PIWIL4: variants seen among roughly 807,000 people sequenced by gnomAD.
The protein encoded by PIWIL4 is piwi-like protein 4.
In PIWIL4, 50 loss-of-function variants were observed where a neutral mutation model predicts 100.9. That is an observed-to-expected ratio of 0.50 (90% CI 0.39 to 0.63). The LOEUF is 0.63. PIWIL4 is among the 20% of genes least tolerant of loss of function. The probability of loss-of-function intolerance (pLI) is 0.00; values close to 1 mark genes in which losing one functional copy is unlikely to be tolerated. For synonymous variants in PIWIL4, 342 were observed against 367.5 expected, an observed-to-expected ratio of 0.93 and a Z score of 0.79; for missense variants, 887 against 1,043.3, an observed-to-expected ratio of 0.85 and a Z score of 2.06.
In PIWIL4 at chr11:94,577,379, T is replaced by G; in HGVS notation, c.400T>G (p.Leu134Val). ...YQYHVTYIPD[L>V]ASRRLRIALL... ...GTACCATGTGACATATATTCCAGAT[T>G]TAGCATCTAGAAGGCTGAGAATTGC... is the stretch of plus-strand genomic sequence containing the variant. Residue 134 changes from leucine (L) to valine (V), a missense_variant, in exon 4 of 20, where the codon TTA becomes GTA. Coordinates refer to ENST00000299001, the MANE Select transcript of PIWIL4 (RefSeq NM_152431.3). 1.2e-6 allele frequency: 2 copies of G among 1,613,788 alleles called. No individual in the cohort carries two copies. The highest frequency in any genetic ancestry group is 1.7e-4 in the Middle Eastern group (1 of 6,058).
At chr11:94,584,352 G>A (rs371395620) in intron 5 of PIWIL4, among the ~76,000 whole-genome samples, 2 of 152,122 alleles carry the variant, frequency 1.3e-5, no homozygotes, top group Admixed American at 6.5e-5. Context: ...TTCCTGAGTC[G>A]TATGAGCACA....
chr11:94,595,447 T>C (rs1444235340), intron 10 of PIWIL4, 21 bp downstream of exon 10: 1 of 1,589,172 alleles, frequency 6.3e-7, no homozygotes, highest in African/African-American at 1.3e-5. Context: ...ACCGCATGCA[T>C]CCTTCCTGGG....
At chr11:94,608,456 C>T (rs1948749183) in intron 14 of PIWIL4, 127 bp from the exon 15 acceptor site, 3 of 744,886 alleles carry the variant, frequency 4.0e-6, no homozygotes, top group Non-Finnish European at 6.9e-6. Context: ...ATCTCAATCT[C>T]CCTTACACAT....
At chr11:94,581,006 T>A (rs1156957890) in intron 4 of PIWIL4, among the ~76,000 whole-genome samples, 2 of 151,118 alleles carry the variant, frequency 1.3e-5, no homozygotes, top group African/African-American at 4.9e-5. Flanking sequence ...TTCAAGCAAT[T>A]CTCCTGCCTC....
rs560352306 is a variant in PIWIL4, at chr11:94,591,652, T to C, written c.1027-1866T>C. ...CTGTGACATTCTGAAACGGGAATCA[T>C]GGTAAAAATCCCAGTCACTGTTTTT... On this transcript the variant is annotated intron_variant, in intron 8 of 19. Transcript: ENST00000299001. Among the ~76,000 whole-genome samples the C allele has an allele frequency of 1.2e-4, 18 of 152,324 alleles. No homozygotes were observed. The Middle Eastern group carries it at 0.01, about 86-fold the overall frequency.
intron 2 of PIWIL4, among the ~76,000 whole-genome samples, chr11:94,570,703 T>TA (rs1157874258): frequency 6.6e-6 from 1 of 151,996 alleles, no homozygotes; most frequent in South Asian, 2.1e-4. Context: ...CCAGCCTGGC[T>TA]AACATGGTGA....
intron 15 of PIWIL4, among the ~76,000 whole-genome samples, chr11:94,613,045 C>T (rs538234826): frequency 6.6e-6 from 1 of 152,202 alleles, no homozygotes; most frequent in African/African-American, 2.4e-5. Context: ...GATATACTTA[C>T]CTATATTAGT....
intron 19 of PIWIL4, 106 bp downstream of exon 19, chr11:94,620,250 T>G: frequency 1.6e-6 from 2 of 1,221,400 alleles, no homozygotes; most frequent in African/African-American, 1.5e-5. Context: ...CAATACCTGA[T>G]ATTTCCTAAA....
chr11:94,579,566 C>T (rs902414322), intron 4 of PIWIL4, among the ~76,000 whole-genome samples: 6 of 152,118 alleles, frequency 3.9e-5, no homozygotes, highest in African/African-American at 1.4e-4. Flanking sequence ...TTTTTAGACT[C>T]TAGGTAAGTG....
At chr11:94,592,080 C>G (rs973318782) in intron 8 of PIWIL4, among the ~76,000 whole-genome samples, 2 of 152,152 alleles carry the variant, frequency 1.3e-5, no homozygotes, top group African/African-American at 4.8e-5. Context: ...ATGGAGGCTT[C>G]CCTGATTTGC....
intron 8 of PIWIL4, among the ~76,000 whole-genome samples, chr11:94,590,930 G>A (rs1268300411): frequency 8.5e-5 from 13 of 152,146 alleles, no homozygotes; most frequent in Non-Finnish European, 1.9e-4. Flanking sequence ...CATAAGCTCT[G>A]GAGTAAGATG....
chr11:94,602,991 A>G (rs1565280071), intron 12 of PIWIL4, among the ~76,000 whole-genome samples: 1 of 152,200 alleles, frequency 6.6e-6, no homozygotes, highest in East Asian at 1.9e-4. Flanking sequence ...GCCCATTGCT[A>G]TGTTCTGTCC....
intron 3 of PIWIL4, among the ~76,000 whole-genome samples, chr11:94,576,257 C>A (rs1948235464): frequency 6.6e-6 from 1 of 152,140 alleles, no homozygotes; most frequent in Non-Finnish European, 1.5e-5. Context: ...GCCTTAGCCT[C>A]CTGAGTAGCT....
intron 5 of PIWIL4, among the ~76,000 whole-genome samples, chr11:94,585,221 A>C (rs1271252389): frequency 6.6e-6 from 1 of 152,254 alleles, no homozygotes; most frequent in African/African-American, 2.4e-5. Flanking sequence ...CTAAACCCAG[A>C]CAGATAAAAA....
chr11:94,615,188 T>A (rs1449130044), intron 15 of PIWIL4, among the ~76,000 whole-genome samples: 1 of 152,118 alleles, frequency 6.6e-6, no homozygotes, highest in East Asian at 1.9e-4. Flanking sequence ...CTCCCAGCTG[T>A]GCTGATAATC....
intron 17 of PIWIL4, among the ~76,000 whole-genome samples, chr11:94,618,722 A>T (rs584426): frequency 0.61 from 92,709 of 152,114 alleles, 28,549 homozygotes; most frequent in African/African-American, 0.7. Context: ...ACAATAATCT[A>T]AAGTCAGCTT....
In PIWIL4 at chr11:94,608,738, G is replaced by A. The variant is rs778274439; in HGVS notation, c.1943+52G>A. On this transcript the variant is annotated intron_variant, in intron 15 of 19. Transcript: ENST00000299001. ...GCTTCATTTAGTTAGACTATTAATT[G>A]TGGTTTCACTAAAGAATGTAACAGC... is the stretch of plus-strand genomic sequence containing the variant. The A allele has an allele frequency of 4.1e-6, 6 of 1,463,566 alleles. No individual in the cohort carries two copies. The Admixed American group carries it at 8.5e-5, about 21-fold the overall frequency. 90.7% of individuals were successfully genotyped at this position (1,463,566 alleles called of 1,614,324 possible). A position where few individuals can be genotyped will look rare whatever the true frequency, so the allele number is the denominator to read the frequency against.
chr11:94,579,650 A>T (rs1948287378), intron 4 of PIWIL4, among the ~76,000 whole-genome samples: 1 of 152,228 alleles, frequency 6.6e-6, no homozygotes, highest in Non-Finnish European at 1.5e-5. Flanking sequence ...CCTGGGATCT[A>T]TAGGAGCTGC....
rs1243571030 is a variant in PIWIL4 at position 94,588,998 on chromosome 11, T to C, written c.915-123T>C. ...TTTTTAAAAAGTGAATATTCTTGTT[T>C]TATTGTTTTCATAATTTCTGACATT... is the stretch of plus-strand genomic sequence containing the variant. On this transcript the variant is annotated intron_variant, in intron 7 of 19. Coordinates refer to ENST00000299001, the MANE Select transcript of PIWIL4 (RefSeq NM_152431.3). 3 of 654,904 alleles carry C rather than the reference T, an allele frequency of 4.6e-6. No individual in the cohort carries two copies. The Admixed American group carries it at 9.0e-5, about 20-fold the overall frequency. 40.6% of individuals were successfully genotyped at this position (654,904 alleles called of 1,614,324 possible).
Sources: gnomAD v4.1 joint callset for allele counts (sites outside exome capture counted in the v4.1 genomes callset) on GRCh38, gnomAD v4.1.1 for gene constraint, MANE v1.5 for transcripts, NCBI Gene and HGNC (gene_info 2026-07-23, HGNC 2026-07-21) for gene names.